ANKS1B: variants seen among roughly 807,000 people sequenced by gnomAD.
ANKS1B encodes ankyrin repeat and sterile alpha motif domain-containing protein 1B.
Under a neutral mutation model 148.3 loss-of-function variants are expected in ANKS1B, and 36 were observed. The ratio of observed to expected loss-of-function variants is 0.24; its 90% CI spans 0.19 to 0.32. The LOEUF is 0.32. Ranked by LOEUF, ANKS1B falls within the 10% of genes least tolerant of loss-of-function variation. ANKS1B has a pLI of 1.00. For missense variants in ANKS1B, 1,157 were observed against 1,542.6 expected, an observed-to-expected ratio of 0.75 and a Z score of 4.19; for synonymous variants, 542 against 560.8, an observed-to-expected ratio of 0.97 and a Z score of 0.47.
chr12:98,926,987 T>C (rs1041089572), intron 17 of ANKS1B, among the ~76,000 whole-genome samples: 4 of 152,092 alleles, frequency 2.6e-5, no homozygotes, highest in African/African-American at 9.7e-5. Context: ...CCAAACTTGA[T>C]GAAAACTATT....
chr12:98,756,788 C>G (rs553024408), intron 25 of ANKS1B, among the ~76,000 whole-genome samples: 14 of 146,988 alleles, frequency 9.5e-5, no homozygotes, highest in Middle Eastern at 3.6e-3. Context: ...AGTACAATGG[C>G]GCGATCTTGG....
At chr12:99,244,465 T>C (rs1163293856) in intron 13 of ANKS1B, 51 bp from the exon 14 acceptor site, 58 of 1,241,182 alleles carry the variant, frequency 4.7e-5, no homozygotes, top group Non-Finnish European at 5.7e-5. Context: ...ACTTTTAACA[T>C]TGTATTTTAA....
intron 8 of ANKS1B, among the ~76,000 whole-genome samples, chr12:99,725,408 G>C (rs1302614901): frequency 6.6e-6 from 1 of 151,690 alleles, no homozygotes; most frequent in African/African-American, 2.4e-5. Flanking sequence ...AAAAAGACAA[G>C]GGCATTACAT....
chr12:99,614,089 C>T (rs1212565608), intron 9 of ANKS1B, among the ~76,000 whole-genome samples: 4 of 151,836 alleles, frequency 2.6e-5, no homozygotes, highest in Non-Finnish European at 4.4e-5. Context: ...TTCTTCACAA[C>T]GTCTCTCAGA....
intron 1 of ANKS1B, among the ~76,000 whole-genome samples, chr12:99,979,967 C>T (rs994354863): frequency 7.3e-5 from 11 of 151,496 alleles, no homozygotes; most frequent in Non-Finnish European, 1.5e-4. Context: ...CTGGATGATA[C>T]AGGGGAGAGA....
chr12:99,130,961 T>A (rs2065922822), intron 15 of ANKS1B, among the ~76,000 whole-genome samples: 1 of 152,192 alleles, frequency 6.6e-6, no homozygotes, highest in African/African-American at 2.4e-5. Flanking sequence ...TGTGACATCA[T>A]CCCTGATTCC....
At chr12:99,236,470 A>C (rs577386373) in intron 14 of ANKS1B, among the ~76,000 whole-genome samples, 12 of 152,292 alleles carry the variant, frequency 7.9e-5, no homozygotes, top group African/African-American at 2.9e-4. Flanking sequence ...TAAAGGGGGA[A>C]TTGCCACACT....
intron 15 of ANKS1B, 44 bp from the exon 16 acceptor site, chr12:99,085,067 A>G (rs1048578747): frequency 3.5e-6 from 5 of 1,425,194 alleles, no homozygotes; most frequent in Admixed American, 1.9e-5. Context: ...AAGCATTTAT[A>G]CTGTGGATAA....
At chr12:98,737,313 G>A (rs79536449) in intron 9 of ANKS1B, among the ~76,000 whole-genome samples, 242 of 152,310 alleles carry the variant, frequency 1.6e-3, no homozygotes, top group African/African-American at 5.7e-3. Flanking sequence ...TGTGTACACT[G>A]TTTTCTCTAT....
chr12:99,911,944 TG>T (rs983867948), intron 1 of ANKS1B, among the ~76,000 whole-genome samples: 1 of 152,194 alleles, frequency 6.6e-6, no homozygotes, highest in African/African-American at 2.4e-5. Context: ...GATATATAAA[TG>T]GCAATAAATA....
At chr12:99,879,183 T>C (rs2092328711) in intron 1 of ANKS1B, among the ~76,000 whole-genome samples, 1 of 152,172 alleles carries the variant, frequency 6.6e-6, no homozygotes, top group Non-Finnish European at 1.5e-5. Flanking sequence ...ACAGAGTTTT[T>C]CTCTGAAGCA....
chr12:99,487,414 T>C (rs2096505201), intron 10 of ANKS1B, among the ~76,000 whole-genome samples: 1 of 152,158 alleles, frequency 6.6e-6, no homozygotes, highest in South Asian at 2.1e-4. Flanking sequence ...AGACATGCTT[T>C]TCTATGTTTG....
At chr12:99,466,501 C>T (rs1434417041) in intron 10 of ANKS1B, among the ~76,000 whole-genome samples, 1 of 151,626 alleles carries the variant, frequency 6.6e-6, no homozygotes, top group African/African-American at 2.4e-5. Flanking sequence ...AATCCAGGAG[C>T]TGGTTTTTTG....
intron 10 of ANKS1B, among the ~76,000 whole-genome samples, chr12:99,465,764 C>T (rs1218728827): frequency 6.6e-6 from 1 of 152,070 alleles, no homozygotes; most frequent in Non-Finnish European, 1.5e-5. Context: ...ATATATGCAC[C>T]CAATACAGGA....
chr12:98,928,368 T>G (rs1012575385), intron 17 of ANKS1B, among the ~76,000 whole-genome samples: 1 of 151,188 alleles, frequency 6.6e-6, no homozygotes, highest in Admixed American at 6.6e-5. Context: ...CTTAAAGAAT[T>G]AACACCAATT....
intron 14 of ANKS1B, among the ~76,000 whole-genome samples, chr12:99,187,879 T>G (rs190910791): frequency 6.6e-6 from 1 of 152,268 alleles, no homozygotes; most frequent in Non-Finnish European, 1.5e-5. Flanking sequence ...AATGACCCAA[T>G]TAAAAGATAC....
chr12:99,341,736 T>G (rs1385815615), intron 12 of ANKS1B, among the ~76,000 whole-genome samples: 1 of 152,002 alleles, frequency 6.6e-6, no homozygotes, highest in African/African-American at 2.4e-5. Flanking sequence ...TGTAAGTAGG[T>G]AGAGGTAGGC....
chr12:99,854,949 A>G (rs2088717873), intron 1 of ANKS1B, among the ~76,000 whole-genome samples: 1 of 152,168 alleles, frequency 6.6e-6, no homozygotes, highest in African/African-American at 2.4e-5. Context: ...AATCTCCTTA[A>G]AGCATAAATC....
intron 17 of ANKS1B, among the ~76,000 whole-genome samples, chr12:98,871,874 A>T (rs2099671117): frequency 6.6e-6 from 1 of 152,202 alleles, no homozygotes. Flanking sequence ...GCAGTACTGA[A>T]AAAGCTTGTA....
Sources: gnomAD v4.1 joint callset for allele counts (sites outside exome capture counted in the v4.1 genomes callset) on GRCh38, gnomAD v4.1.1 for gene constraint, MANE v1.5 for transcripts, NCBI Gene and HGNC (gene_info 2026-07-23, HGNC 2026-07-21) for gene names.